E2F3: variants seen among roughly 807,000 people sequenced by gnomAD.
The protein encoded by E2F3 is E2F transcription factor 3.
In E2F3, 11 loss-of-function variants were observed where a neutral mutation model predicts 44.4. The observed-to-expected ratio is 0.25, with a 90% CI of 0.16 to 0.41. E2F3 has a LOEUF of 0.41. Among genes scored for constraint, E2F3 ranks in the 10% least tolerant of loss-of-function variants. The pLI, the probability that E2F3 is intolerant of heterozygous loss-of-function variation, is 1.00. For synonymous variants in E2F3, 249 were observed against 253.0 expected, an observed-to-expected ratio of 0.98 and a Z score of 0.15; for missense variants, 487 against 583.6, an observed-to-expected ratio of 0.83 and a Z score of 1.70.
intron 1 of E2F3, among the ~76,000 whole-genome samples, chr6:20,474,142 G>A (rs930383227): frequency 6.6e-6 from 1 of 151,588 alleles, no homozygotes; most frequent in African/African-American, 2.4e-5. Flanking sequence ...TTGCTGTGCT[G>A]CCCAGGTTGG....
intron 1 of E2F3, among the ~76,000 whole-genome samples, chr6:20,448,738 C>G (rs1296121649): frequency 1.3e-5 from 2 of 152,038 alleles, no homozygotes; most frequent in African/African-American, 4.8e-5. Flanking sequence ...TTCCTGAAGT[C>G]TATAATTAGG....
chr6:20,488,079 T>C lies in E2F3; in HGVS notation c.1000-34T>C, dbSNP rs746224368. 3 of 1,607,274 alleles carry C rather than the reference T, an allele frequency of 1.9e-6. No individual in the cohort carries two copies. In the Admixed American group the frequency reaches 5.1e-5, roughly 28 times the overall value. ...CTATGGCTTTTATTTCTAAAAGAAC[T>C]TCTGATTCGAACTTCTCCCACTTCT... On this transcript the variant is annotated intron_variant, in intron 5 of 6. Transcript: ENST00000346618.
intron 6 of E2F3, among the ~76,000 whole-genome samples, chr6:20,488,690 G>A (rs955349426): frequency 2.6e-5 from 4 of 152,104 alleles, no homozygotes; most frequent in African/African-American, 9.7e-5. Context: ...GGATATGGGA[G>A]GAGAACGCTA....
intron 1 of E2F3, among the ~76,000 whole-genome samples, chr6:20,452,781 G>A (rs182842980): frequency 6.6e-5 from 10 of 152,022 alleles, no homozygotes; most frequent in Admixed American, 5.2e-4. Context: ...GTGAAACCCC[G>A]TCTCTACTGA....
intron 1 of E2F3, among the ~76,000 whole-genome samples, chr6:20,429,092 T>C (rs937257263): frequency 4.6e-5 from 7 of 152,182 alleles, no homozygotes; most frequent in African/African-American, 1.7e-4. Flanking sequence ...TTAAACATAC[T>C]ATAACATATG....
At chr6:20,409,463 TAA>T (rs1759598115) in intron 1 of E2F3, among the ~76,000 whole-genome samples, 1 of 152,234 alleles carries the variant, frequency 6.6e-6, no homozygotes, top group African/African-American at 2.4e-5. Context: ...GAATAGAATC[TAA>T]AAGGATTTTT....
At chr6:20,434,982 A>G (rs1212830298) in intron 1 of E2F3, among the ~76,000 whole-genome samples, 1 of 152,248 alleles carries the variant, frequency 6.6e-6, no homozygotes, top group South Asian at 2.1e-4. Flanking sequence ...GCCAGGGCCG[A>G]CAGATTTGGC....
intron 3 of E2F3, 100 bp downstream of exon 3, chr6:20,481,525 T>C: frequency 9.7e-7 from 1 of 1,034,568 alleles, no homozygotes; most frequent in Admixed American, 2.1e-5. Flanking sequence ...ACACGTTCTT[T>C]TCTTTTCTCT....
intron 1 of E2F3, among the ~76,000 whole-genome samples, chr6:20,478,835 CATT>C (rs1168427539): frequency 2.6e-5 from 4 of 152,174 alleles, no homozygotes; most frequent in Non-Finnish European, 5.9e-5. Context: ...CAAATCTCCT[CATT>C]AGAAGAATCT....
chr6:20,463,089 A>T (rs1186421635), intron 1 of E2F3, among the ~76,000 whole-genome samples: 1 of 151,166 alleles, frequency 6.6e-6, no homozygotes, highest in African/African-American at 2.4e-5. Flanking sequence ...GACTTGGCTA[A>T]TTTTTTTATT....
chr6:20,402,354 GCCCCGGCTTCGC>G lies in E2F3; in HGVS notation c.124_135del (p.Pro42_Ala45del). Reference sequence around the variant, plus strand: ...ATGGACAAAAGGGCACTGCTAGCCAGCCCCGGCTTCGCCGCCGCCGCCGCCGCTGCCGCCGCC... The same window carrying G: ...ATGGACAAAAGGGCACTGCTAGCCAGCGCCGCCGCCGCCGCTGCCGCCGCC... On this transcript the variant is annotated inframe_deletion, in exon 1 of 7. Coordinates refer to ENST00000346618, the MANE Select transcript of E2F3 (RefSeq NM_001949.5). The surrounding 1 kb of genome is among the most constrained non-coding windows in gnomAD (Gnocchi z 5.6). The G allele has an allele frequency of 6.2e-7, 1 of 1,608,794 alleles. No homozygotes were observed. Among genetic ancestry groups the G allele is most frequent in the Non-Finnish European group, 8.5e-7 (1 of 1,178,104 alleles).
chr6:20,456,109 G>A (rs1450140297), intron 1 of E2F3, among the ~76,000 whole-genome samples: 1 of 151,946 alleles, frequency 6.6e-6, no homozygotes, highest in Non-Finnish European at 1.5e-5. Context: ...GTTCCGGTGG[G>A]TCTTACCCAG....
In E2F3 at chr6:20,402,076, T is replaced by G; in HGVS notation, c.-157T>G. 2 of 1,290,300 alleles carry G rather than the reference T, an allele frequency of 1.6e-6. No homozygotes were observed. The highest frequency in any genetic ancestry group is 2.0e-6 in the Non-Finnish European group (2 of 989,610). 79.9% of individuals were successfully genotyped at this position (1,290,300 alleles called of 1,614,324 possible). On this transcript the variant is annotated 5_prime_UTR_variant, in exon 1 of 7. Transcript: ENST00000346618. This position sits in a 1 kb window ranked among gnomAD's most constrained non-coding sequence, Gnocchi z 5.6. ...TTTTTGGCCCCCGGGGCCTGTGCGGTGCGGAAAAATAAAAAGAAAAGAGAG... is the reference window on the plus strand; with the variant it reads ...TTTTTGGCCCCCGGGGCCTGTGCGGGGCGGAAAAATAAAAAGAAAAGAGAG...
At chr6:20,462,859 CTTTTTTTTTTTTTTTTTTTTTTTTT>C (rs780366667) in intron 1 of E2F3, among the ~76,000 whole-genome samples, 1 of 48,810 alleles carries the variant, frequency 2.0e-5, no homozygotes, top group Non-Finnish European at 3.6e-5. Context: ...CTCTCTCTCT[CTTTTTTTTTTTTTTTTTTTTTTTTT>C]TTTTTTTTTT....
chr6:20,421,117 A>T (rs1175275111), intron 1 of E2F3, among the ~76,000 whole-genome samples: 3 of 152,232 alleles, frequency 2.0e-5, no homozygotes, highest in Admixed American at 6.5e-5. Flanking sequence ...TCAATCACCT[A>T]TTAACGCTCC....
chr6:20,442,824 G>T (rs981414370), intron 1 of E2F3, among the ~76,000 whole-genome samples: 1 of 152,004 alleles, frequency 6.6e-6, no homozygotes, highest in East Asian at 1.9e-4. Flanking sequence ...AGAAAAATTG[G>T]CCGGGCATGG....
At chr6:20,424,669 A>G (rs1240084546) in intron 1 of E2F3, among the ~76,000 whole-genome samples, 1 of 151,374 alleles carries the variant, frequency 6.6e-6, no homozygotes, top group Non-Finnish European at 1.5e-5. Flanking sequence ...CTTCTCCCCC[A>G]TCCACTGTGA....
At chr6:20,409,703 C>G (rs73382448) in intron 1 of E2F3, among the ~76,000 whole-genome samples, 1,897 of 152,322 alleles carry the variant, frequency 0.012, 38 homozygotes, top group African/African-American at 0.042. Context: ...CTTTAGCCAA[C>G]GCTAATTTCC....
chr6:20,456,395 T>C (rs1197358453), intron 1 of E2F3, among the ~76,000 whole-genome samples: 1 of 152,136 alleles, frequency 6.6e-6, no homozygotes, highest in Non-Finnish European at 1.5e-5. Context: ...TTTTAATGTA[T>C]CTGTTCTTGT....
Sources: allele counts gnomAD v4.1 joint callset (sites outside exome capture counted in the v4.1 genomes callset), GRCh38; gene constraint gnomAD v4.1.1; non-coding constraint Gnocchi (gnomAD v3.1); transcripts MANE v1.5; gene names NCBI Gene and HGNC (gene_info 2026-07-23, HGNC 2026-07-21).